Variants in HCN1 observed in about 807,000 individuals in gnomAD.
The protein encoded by HCN1 is potassium/sodium hyperpolarization-activated cyclic nucleotide-gated channel 1.
Under a neutral mutation model 78.9 loss-of-function variants are expected in HCN1, and 13 were observed. The ratio of observed to expected loss-of-function variants is 0.16; its 90% CI spans 0.11 to 0.26. The LOEUF (loss-of-function observed/expected upper bound fraction) is 0.26. Ranked by LOEUF, HCN1 falls within the 10% of genes least tolerant of loss-of-function variation. The pLI, the probability that HCN1 is intolerant of heterozygous loss-of-function variation, is 1.00. For missense variants in HCN1, 810 were observed against 1,154.3 expected, an observed-to-expected ratio of 0.70 and a Z score of 4.32; for synonymous variants, 552 against 455.5, an observed-to-expected ratio of 1.21 and a Z score of -2.70.
chr5:45,356,929 C>T (rs557785274), intron 4 of HCN1, among the ~76,000 whole-genome samples: 1 of 151,994 alleles, frequency 6.6e-6, no homozygotes, highest in African/African-American at 2.4e-5. Context: ...CATTTCCTTT[C>T]TTGCTCATCA....
intron 2 of HCN1, among the ~76,000 whole-genome samples, chr5:45,465,468 G>A (rs866057833): frequency 9.9e-5 from 15 of 152,108 alleles, no homozygotes; most frequent in Admixed American, 6.6e-5. Flanking sequence ...ATTAAAGTAA[G>A]TTTTTCAGCC....
chr5:45,277,185 T>C (rs752373272), intron 6 of HCN1, among the ~76,000 whole-genome samples: 2 of 152,102 alleles, frequency 1.3e-5, no homozygotes, highest in Non-Finnish European at 2.9e-5. Flanking sequence ...ATGGGAAAGA[T>C]AGTTAGCCTC....
At chr5:45,307,750 G>T (rs1230701891) in intron 5 of HCN1, among the ~76,000 whole-genome samples, 1 of 151,998 alleles carries the variant, frequency 6.6e-6, no homozygotes, top group Non-Finnish European at 1.5e-5. Context: ...TGGGATCCTA[G>T]GATAGAAAAA....
chr5:45,358,703 G>A (rs758861922), intron 4 of HCN1, among the ~76,000 whole-genome samples: 9 of 152,076 alleles, frequency 5.9e-5, no homozygotes, highest in Admixed American at 1.3e-4. Flanking sequence ...TGGCTGTTCA[G>A]AGGGCCTGCA....
rs367857586 is a variant in HCN1, at chr5:45,570,048, A to G, written c.849+75137T>C. On this transcript the variant is annotated intron_variant, in intron 2 of 7. Transcript: ENST00000303230. Reference sequence around the variant, plus strand: ...TGTAGGTATTTGCCAGATTATCTAAAATTAATGTCATGAAATGTTAGTGTA... The same window carrying G: ...TGTAGGTATTTGCCAGATTATCTAAGATTAATGTCATGAAATGTTAGTGTA... Among the ~76,000 whole-genome samples the G allele has an allele frequency of 7.2e-5, 11 of 152,138 alleles. No individual in the cohort carries two copies. The East Asian group carries it at 2.1e-3, about 29-fold the overall frequency.
rs189510756 is a variant in HCN1 at position 45,680,312 on chromosome 5, G to A, written c.425+15357C>T. Among the ~76,000 whole-genome samples, 51 of 152,182 alleles carry A rather than the reference G, an allele frequency of 3.4e-4. 1 individual carries two copies. In the East Asian group the frequency reaches 7.7e-3, roughly 23 times the overall value. On this transcript the variant is annotated intron_variant, in intron 1 of 7. Transcript: ENST00000303230. Reference sequence around the variant, plus strand: ...ATCACAACAGTGTAACAATGAACAAGTAAAGAATTGCTATTTTATAAAATT... The same window carrying A: ...ATCACAACAGTGTAACAATGAACAAATAAAGAATTGCTATTTTATAAAATT...
At chr5:45,658,191 A>G (rs1356436712) in intron 1 of HCN1, among the ~76,000 whole-genome samples, 1 of 152,212 alleles carries the variant, frequency 6.6e-6, no homozygotes, top group African/African-American at 2.4e-5. Context: ...CCATATGTAG[A>G]AAGCTGAAAC....
intron 5 of HCN1, among the ~76,000 whole-genome samples, chr5:45,311,566 T>C (rs953998612): frequency 6.6e-6 from 1 of 152,216 alleles, no homozygotes; most frequent in Non-Finnish European, 1.5e-5. Context: ...TTAAATGATA[T>C]TAAGTTCTCT....
At position 45,611,618 on chromosome 5, in the gene HCN1, T is replaced by C. The variant is rs370548891; in HGVS notation, c.849+33567A>G. Among the ~76,000 whole-genome samples the C allele has an allele frequency of 4.6e-5, 7 of 152,188 alleles. No homozygotes were observed. In the East Asian group the frequency reaches 1.2e-3, roughly 25 times the overall value. On this transcript the variant is annotated intron_variant, in intron 2 of 7. Coordinates refer to ENST00000303230, the MANE Select transcript of HCN1 (RefSeq NM_021072.4). ...ACATAATAAATATTTATTAGTTTTA[T>C]CACAACCTGACATTTAAATAAGAGC...
At chr5:45,611,668 T>G (rs1017277090) in intron 2 of HCN1, among the ~76,000 whole-genome samples, 1 of 152,154 alleles carries the variant, frequency 6.6e-6, no homozygotes, top group East Asian at 1.9e-4. Context: ...ATGCATATAT[T>G]GTACCACTAC....
At chr5:45,539,747 T>C (rs754960154) in intron 2 of HCN1, among the ~76,000 whole-genome samples, 1 of 147,992 alleles carries the variant, frequency 6.8e-6, no homozygotes. Context: ...ATTTTAAATA[T>C]ATAAAAATAA....
chr5:45,686,931 T>G (rs1402066100), intron 1 of HCN1, among the ~76,000 whole-genome samples: 1 of 152,168 alleles, frequency 6.6e-6, no homozygotes, highest in Non-Finnish European at 1.5e-5. Context: ...TGTTGTTTGG[T>G]GTAATTTCTT....
At chr5:45,287,806 T>C (rs1213074527) in intron 6 of HCN1, among the ~76,000 whole-genome samples, 1 of 152,066 alleles carries the variant, frequency 6.6e-6, no homozygotes, top group Non-Finnish European at 1.5e-5. Context: ...ATCTCCAGTG[T>C]TGATTCACTT....
intron 1 of HCN1, among the ~76,000 whole-genome samples, chr5:45,691,828 A>C (rs1032080724): frequency 2.8e-4 from 43 of 152,232 alleles, no homozygotes; most frequent in African/African-American, 1.0e-3. Context: ...CTCTGATATC[A>C]GTACAGTTGT....
intron 2 of HCN1, among the ~76,000 whole-genome samples, chr5:45,515,054 C>A (rs1742491069): frequency 6.6e-6 from 1 of 151,710 alleles, no homozygotes; most frequent in Admixed American, 6.6e-5. Flanking sequence ...AAGAACTATA[C>A]AACTAGATGT....
intron 2 of HCN1, among the ~76,000 whole-genome samples, chr5:45,482,215 T>C (rs960847706): frequency 6.6e-6 from 1 of 152,140 alleles, no homozygotes; most frequent in Admixed American, 6.6e-5. Flanking sequence ...TGATCTTCTG[T>C]GTGCTTCAAT....
chr5:45,537,689 C>T (rs1161540098), intron 2 of HCN1, among the ~76,000 whole-genome samples: 1 of 151,762 alleles, frequency 6.6e-6, no homozygotes, highest in African/African-American at 2.4e-5. Context: ...AGGCACCCGC[C>T]ACCATGCCTG....
chr5:45,511,715 G>T (rs951228048), intron 2 of HCN1, among the ~76,000 whole-genome samples: 2 of 151,952 alleles, frequency 1.3e-5, no homozygotes. Context: ...GGAGACATGA[G>T]GACTTAATGT....
chr5:45,294,853 G>A (rs1271516670), intron 6 of HCN1, among the ~76,000 whole-genome samples: 1 of 152,024 alleles, frequency 6.6e-6, no homozygotes, highest in Non-Finnish European at 1.5e-5. Context: ...GAGGCAGTGA[G>A]GTATTCTGGA....
Sources: allele counts gnomAD v4.1 joint callset (sites outside exome capture counted in the v4.1 genomes callset), GRCh38; gene constraint gnomAD v4.1.1; transcripts MANE v1.5; gene names NCBI Gene and HGNC (gene_info 2026-07-23, HGNC 2026-07-21).